DNAH9: variants seen among roughly 807,000 people sequenced by gnomAD.
The protein encoded by DNAH9 is dynein axonemal heavy chain 9.
Under a neutral mutation model 471.6 loss-of-function variants are expected in DNAH9, and 345 were observed. The ratio of observed to expected loss-of-function variants is 0.73; its 90% CI spans 0.67 to 0.80. The LOEUF (loss-of-function observed/expected upper bound fraction) is 0.80, where lower values mean the gene tolerates loss of function less well. Ranked by LOEUF, DNAH9 falls within the 30% of genes least tolerant of loss-of-function variation. DNAH9 has a pLI of 0.00. For synonymous variants in DNAH9, 2,093 were observed against 2,123.6 expected (o/e 0.99, Z 0.40); for missense variants, 5,407 against 5,609.2 (o/e 0.96, Z 1.15).
chr17:11,876,671 G>A (rs1220129622), intron 53 of DNAH9, among the ~76,000 whole-genome samples: 1 of 152,154 alleles, frequency 6.6e-6, no homozygotes, highest in Admixed American at 6.5e-5. Flanking sequence ...GGAATGAAGA[G>A]TTAAGTGTTT....
chr17:11,823,939 A>C (rs924255695), intron 48 of DNAH9, among the ~76,000 whole-genome samples: 1 of 151,848 alleles, frequency 6.6e-6, no homozygotes, highest in Non-Finnish European at 1.5e-5. Context: ...CAAAAAAAAA[A>C]AAAGAAAGAA....
rs779654317 is a variant in DNAH9, at chr17:11,617,432, T to C, written c.926T>C (p.Ile309Thr). The change falls in exon 5 of 69, where the codon ATC becomes ACC. Residue 309 changes from isoleucine to threonine, a missense_variant. Physicochemically the swap from Ile to Thr is moderately conservative, Grantham distance 89. This residue lies in a region of DNAH9 where 767 missense variants were observed against 692.5 expected (regional missense o/e 1.11). Coordinates refer to ENST00000262442, the MANE Select transcript of DNAH9 (RefSeq NM_001372.4). ...VVAALAEAQD[I>T]HVHLIPLQRH... Reference sequence around the variant, plus strand: ...CCAGCTCTAGCAGAGGCACAGGACATCCATGTGCACCTGATACCGCTCCAG... The same window carrying C: ...CCAGCTCTAGCAGAGGCACAGGACACCCATGTGCACCTGATACCGCTCCAG... 8.1e-6 allele frequency: 13 copies of C among 1,613,450 alleles called. No homozygotes were observed. Among genetic ancestry groups the C allele is most frequent in the Admixed American group, 3.3e-5 (2 of 60,006 alleles).
chr17:11,937,674 C>T lies in DNAH9; in HGVS notation c.12660+152C>T, dbSNP rs546217482. On this transcript the variant is annotated intron_variant, in intron 66 of 68. Transcript: ENST00000262442. This position sits in a 1 kb window ranked among gnomAD's most constrained non-coding sequence, Gnocchi z 4.1. ...CAGCCTGGAGATGCTTGCCTGTCAC[C>T]GCCAAGAGCCTCTCCCCTCCCGTCA... is the stretch of plus-strand genomic sequence containing the variant. 5.8e-5 allele frequency: 44 copies of T among 760,706 alleles called. No homozygotes were observed. Among genetic ancestry groups the T allele is most frequent in the Admixed American group, 3.6e-4 (11 of 30,326 alleles). 47.1% of individuals were successfully genotyped at this position (760,706 alleles called of 1,614,324 possible).
chr17:11,808,272 A>G (rs1201716505), intron 44 of DNAH9, among the ~76,000 whole-genome samples: 3 of 152,242 alleles, frequency 2.0e-5, no homozygotes, highest in Admixed American at 6.5e-5. Flanking sequence ...AAGACGGGTC[A>G]GTAACCACTG....
Position 11,744,991 on chromosome 17 carries a change from T to C in DNAH9, c.6306T>C (p.Asp2102=). The part of the protein sequence containing the change: ...GLIGDLFPAL[D]VPRRRDPNFE... Reference sequence around the variant, plus strand: ...TCGGGGACCTCTTTCCCGCCCTGGATGTCCCCCGGAGGAGAGACCCCAACT... The same window carrying C: ...TCGGGGACCTCTTTCCCGCCCTGGACGTCCCCCGGAGGAGAGACCCCAACT... Residue 2102 remains aspartate (D), a synonymous_variant, in exon 31 of 69, where the codon GAT becomes GAC. Coordinates refer to ENST00000262442, the MANE Select transcript of DNAH9 (RefSeq NM_001372.4). 6.2e-7 allele frequency: 1 copy of C among 1,614,126 alleles called. No homozygotes were observed. Among genetic ancestry groups the C allele is most frequent in the Non-Finnish European group, 8.5e-7 (1 of 1,179,960 alleles).
In DNAH9 at chr17:11,937,080, G is replaced by A. The variant is rs1974736099; in HGVS notation, c.12490-272G>A. On this transcript the variant is annotated intron_variant, in intron 65 of 68. Transcript: ENST00000262442. The surrounding 1 kb of genome is among the most constrained non-coding windows in gnomAD (Gnocchi z 4.1). ...CAGGGAGGAGTGGGAGGCATTGGGT[G>A]TGGAGATAGATAAAGTCATCTAAGC... is the stretch of plus-strand genomic sequence containing the variant. 6.6e-6 allele frequency among the ~76,000 whole-genome samples: 1 copy of A among 152,178 alleles called. No homozygotes were observed. Among genetic ancestry groups the A allele is most frequent in the African/African-American group, 2.4e-5 (1 of 41,432 alleles).
At chr17:11,691,360 G>A (rs374494798) in intron 20 of DNAH9, among the ~76,000 whole-genome samples, 10 of 152,130 alleles carry the variant, frequency 6.6e-5, no homozygotes, top group African/African-American at 2.2e-4. Flanking sequence ...AAAGGGGGCC[G>A]GGACAGAGGT....
intron 48 of DNAH9, among the ~76,000 whole-genome samples, chr17:11,830,371 A>G (rs955834382): frequency 2.0e-5 from 3 of 152,212 alleles, no homozygotes; most frequent in Non-Finnish European, 4.4e-5. Context: ...CCTCAAGGCC[A>G]TTGCCAATTG....
intron 27 of DNAH9, among the ~76,000 whole-genome samples, chr17:11,721,083 T>C (rs2075049208): frequency 6.6e-6 from 1 of 152,134 alleles, no homozygotes; most frequent in Non-Finnish European, 1.5e-5. Context: ...GTGTATTGAT[T>C]GAAGAAAATC....
chr17:11,809,320 C>T (rs986798033), intron 44 of DNAH9, among the ~76,000 whole-genome samples: 1 of 152,060 alleles, frequency 6.6e-6, no homozygotes, highest in Non-Finnish European at 1.5e-5. Context: ...AATCCCAGCA[C>T]TTTGGGAGGC....
At position 11,871,742 on chromosome 17, in the gene DNAH9, A is replaced by G; in HGVS notation, c.10198A>G (p.Ser3400Gly). 6.2e-7 allele frequency: 1 copy of G among 1,614,228 alleles called. No homozygotes were observed. Among genetic ancestry groups the G allele is most frequent in the South Asian group, 1.1e-5 (1 of 91,078 alleles). Residue 3400 changes from serine (S) to glycine (G), a missense_variant, in exon 52 of 69, where the codon AGC (serine) becomes GGC (glycine). Physicochemically the swap from Ser to Gly is moderately conservative, Grantham distance 56. Around this residue, in one of 3 missense-constraint regions of DNAH9, gnomAD observed 4,636 missense variants for 4,900.3 expected, o/e 0.95. Transcript: ENST00000262442. ...CTTCTTCACAAAGAAATACCGGCAGAGCCTCCTGGACAGAACTTGGAGGCC... is the reference window on the plus strand; with the variant it reads ...CTTCTTCACAAAGAAATACCGGCAGGGCCTCCTGGACAGAACTTGGAGGCC... ...LGFFTKKYRQ[S>G]LLDRTWRPYL...
intron 4 of DNAH9, among the ~76,000 whole-genome samples, chr17:11,614,823 C>T (rs1281341402): frequency 6.6e-6 from 1 of 152,182 alleles, no homozygotes; most frequent in Admixed American, 6.5e-5. Context: ...TGATGAGGGC[C>T]TTAATCCCAT....
Position 11,719,360 on chromosome 17 carries a change from T to C in DNAH9, c.5579T>C (p.Leu1860Pro). 2 of 1,614,062 alleles carry C rather than the reference T, an allele frequency of 1.2e-6. No homozygotes were observed. The highest frequency in any genetic ancestry group is 1.7e-6 in the Non-Finnish European group (2 of 1,179,992). The change falls in exon 27 of 69, where the codon CTG becomes CCG. Residue 1860 changes from leucine (L) to proline (P), a missense_variant. Physicochemically the swap from Leu to Pro is moderately conservative, Grantham distance 98. Around this residue, in one of 3 missense-constraint regions of DNAH9, gnomAD observed 4,636 missense variants for 4,900.3 expected, o/e 0.95. Coordinates refer to ENST00000262442, the MANE Select transcript of DNAH9 (RefSeq NM_001372.4). The part of the protein sequence containing the change: ...DRCYITLTQS[L>P]HLTMSGAPAG... ...TGCTACATCACCCTCACCCAGTCCC[T>C]GCACCTGACCATGAGTGGGGCTCCC...
Position 11,929,963 on chromosome 17 carries a change from C to T in DNAH9, c.11975C>T (p.Ala3992Val), listed in dbSNP as rs1265816223. ...SHPEFRVFMS[A>V]EPAPSPEGHI... Reference sequence around the variant, plus strand: ...CCAGAGTTCAGGGTCTTCATGAGTGCAGAGCCAGCACCCTCCCCTGAGGGC... The same window carrying T: ...CCAGAGTTCAGGGTCTTCATGAGTGTAGAGCCAGCACCCTCCCCTGAGGGC... Residue 3992 changes from alanine (A) to valine (V), a missense_variant, in exon 63 of 69, where the codon GCA becomes GTA. This residue lies in a region of DNAH9 where 4,636 missense variants were observed against 4,900.3 expected (regional missense o/e 0.95). Transcript: ENST00000262442. The T allele has an allele frequency of 6.2e-7, 1 of 1,614,016 alleles. No individual in the cohort carries two copies. Among genetic ancestry groups the T allele is most frequent in the East Asian group, 2.2e-5 (1 of 44,870 alleles).
intron 17 of DNAH9, among the ~76,000 whole-genome samples, chr17:11,675,358 G>A (rs987432975): frequency 2.6e-5 from 4 of 151,826 alleles, no homozygotes; most frequent in Non-Finnish European, 4.4e-5. Flanking sequence ...TGTTTGCAAC[G>A]TACATGGTCA....
intron 20 of DNAH9, among the ~76,000 whole-genome samples, chr17:11,693,551 G>T (rs940724344): frequency 1.3e-4 from 20 of 152,052 alleles, no homozygotes; most frequent in African/African-American, 4.6e-4. Context: ...GAGCCACGGC[G>T]CCCGGTCTAA....
intron 49 of DNAH9, among the ~76,000 whole-genome samples, chr17:11,852,814 GTATATA>G (rs58555259): frequency 0.21 from 19,572 of 92,740 alleles, 3,595 homozygotes; most frequent in Admixed American, 0.38. Context: ...GTGTGTGTGT[GTATATA>G]TATATATATA....
chr17:11,683,634 G>A (rs9906932), intron 19 of DNAH9, among the ~76,000 whole-genome samples: 8 of 152,158 alleles, frequency 5.3e-5, no homozygotes, highest in Non-Finnish European at 1.0e-4. Context: ...TATATTTTGT[G>A]TATTGATCAA....
At chr17:11,850,518 G>A (rs1394646789) in intron 49 of DNAH9, among the ~76,000 whole-genome samples, 1 of 152,036 alleles carries the variant, frequency 6.6e-6, no homozygotes, top group African/African-American at 2.4e-5. Context: ...GGTGGTGGCG[G>A]GTGCCTGTAA....
Sources: gnomAD v4.1 joint callset for allele counts (sites outside exome capture counted in the v4.1 genomes callset) on GRCh38, gnomAD v4.1.1 for gene constraint, gnomAD v4.1.1 regional missense constraint, Gnocchi (gnomAD v3.1) non-coding constraint, MANE v1.5 for transcripts, NCBI Gene and HGNC (gene_info 2026-07-23, HGNC 2026-07-21) for gene names.